Variants in ABHD6 observed in about 807,000 individuals in gnomAD.
The protein encoded by ABHD6 is abhydrolase domain containing 6, acylglycerol lipase, also known as monoacylglycerol lipase ABHD6.
In ABHD6, 33 loss-of-function variants were observed where a neutral mutation model predicts 38.8. The observed-to-expected ratio is 0.85, with a 90% confidence interval of 0.64 to 1.14. The LOEUF is 1.14. ABHD6 is among the 50% of genes most tolerant of loss of function. ABHD6 has a pLI of 0.00. For synonymous variants in ABHD6, 147 were observed against 161.6 expected (o/e 0.91, Z 0.69); for missense variants, 380 against 422.6 (o/e 0.90, Z 0.88).
At chr3:58,253,637 A>G (rs1473412643) in intron 2 of ABHD6, among the ~76,000 whole-genome samples, 1 of 152,214 alleles carries the variant, frequency 6.6e-6, no homozygotes, top group Non-Finnish European at 1.5e-5. Context: ...TTTGCTTTTC[A>G]TTGATTCATT....
At chr3:58,262,342 T>TA (rs975184486) in intron 3 of ABHD6, among the ~76,000 whole-genome samples, 2 of 152,178 alleles carry the variant, frequency 1.3e-5, no homozygotes, top group African/African-American at 4.8e-5. Context: ...TACCACAGTA[T>TA]AAAAAAATCT....
chr3:58,265,721 T>C lies in ABHD6; in HGVS notation c.120-1468T>C, dbSNP rs1307776279. Among the ~76,000 whole-genome samples the C allele has an allele frequency of 6.6e-6, 1 of 152,134 alleles. No homozygotes were observed. Among genetic ancestry groups the C allele is most frequent in the Non-Finnish European group, 1.5e-5 (1 of 68,018 alleles). On this transcript the variant is annotated intron_variant, in intron 3 of 9. Coordinates refer to ENST00000478253, the MANE Select transcript of ABHD6 (RefSeq NM_001320126.2). The surrounding 1 kb of genome is among the most constrained non-coding windows in gnomAD (Gnocchi z 4.2). ...TTTGTTTGGCTTATTGTTCTGGAGG[T>C]TGGGAAGCCCAAGAGAATGGCACCA... is the stretch of plus-strand genomic sequence containing the variant.
At position 58,267,240 on chromosome 3, in the gene ABHD6, C is replaced by G; in HGVS notation, c.171C>G (p.Asp57Glu). The G allele has an allele frequency of 6.2e-7, 1 of 1,614,202 alleles. No individual in the cohort carries two copies. Among genetic ancestry groups the G allele is most frequent in the Non-Finnish European group, 8.5e-7 (1 of 1,180,016 alleles). Residue 57 changes from aspartate (D) to glutamate (E), a missense_variant, in exon 4 of 10, where the codon GAC (aspartate) becomes GAG (glutamate). By Grantham distance (45) the Asp-to-Glu change is conservative (BLOSUM62 2). Transcript: ENST00000478253. This position sits in a 1 kb window ranked among gnomAD's most constrained non-coding sequence, Gnocchi z 4.3. ...GMQVRYVHHEDYQFCYSFRGR... is the reference protein window; with the variant it reads ...GMQVRYVHHEEYQFCYSFRGR... ...AAGTCCGCTATGTTCACCATGAAGA[C>G]TATCAGTTCTGTTATTCCTTCCGGG...
At chr3:58,242,794 C>T (rs2097423718) in intron 1 of ABHD6, among the ~76,000 whole-genome samples, 2 of 152,314 alleles carry the variant, frequency 1.3e-5, no homozygotes, top group African/African-American at 4.8e-5. Flanking sequence ...CATATGTATA[C>T]ATGTGCCATG....
chr3:58,290,415 G>A (rs548821336), intron 9 of ABHD6, among the ~76,000 whole-genome samples: 3 of 123,730 alleles, frequency 2.4e-5, no homozygotes, highest in Non-Finnish European at 5.1e-5. Flanking sequence ...CAGTAGGGGC[G>A]GCTGGGCAGA....
intron 9 of ABHD6, among the ~76,000 whole-genome samples, chr3:58,286,276 C>G (rs1288835158): frequency 6.6e-6 from 1 of 152,142 alleles, no homozygotes; most frequent in Non-Finnish European, 1.5e-5. Context: ...GCCTCAGCCT[C>G]CCAAAGTGTT....
intron 1 of ABHD6, among the ~76,000 whole-genome samples, chr3:58,240,855 A>G (rs999118178): frequency 1.3e-5 from 2 of 150,542 alleles, no homozygotes; most frequent in Non-Finnish European, 2.9e-5. Context: ...CTCAGCCTCC[A>G]GAGTAGCTGG....
intron 7 of ABHD6, among the ~76,000 whole-genome samples, chr3:58,275,448 G>A (rs2107461266): frequency 6.6e-6 from 1 of 151,052 alleles, no homozygotes; most frequent in African/African-American, 2.4e-5. Context: ...TTCTGCCTCA[G>A]CCTCCTGAGT....
At chr3:58,264,387 GCACACACACACACACACACACACACA>G (rs61099164) in intron 3 of ABHD6, among the ~76,000 whole-genome samples, 3,667 of 132,320 alleles carry the variant, frequency 0.028, 202 homozygotes, top group African/African-American at 0.098. Context: ...TTATATAAAC[GCACACACACACACACACACACACACA>G]CACACACACA....
chr3:58,286,886 G>GTGTATATATATATA (rs2097457847), intron 9 of ABHD6, among the ~76,000 whole-genome samples: 1 of 50,394 alleles, frequency 2.0e-5, no homozygotes, highest in African/African-American at 7.5e-5. Context: ...GTATATATAA[G>GTGTATATATATATA]TAGGTATCTT....
intron 7 of ABHD6, among the ~76,000 whole-genome samples, chr3:58,278,401 G>A (rs1397865888): frequency 6.6e-6 from 1 of 152,178 alleles, no homozygotes; most frequent in Non-Finnish European, 1.5e-5. Flanking sequence ...GGTGTTTATA[G>A]TATTCTCTGA....
Position 58,259,428 on chromosome 3 carries a change from C to T in ABHD6, c.119+2723C>T, listed in dbSNP as rs35010655. On this transcript the variant is annotated intron_variant, in intron 3 of 9. Transcript: ENST00000478253. This position sits in a 1 kb window ranked among gnomAD's most constrained non-coding sequence, Gnocchi z 4.7. ...GGCACGATGGCTCACACCTGTAATCCCAGCACTTTGGGAGGCTAAGGCAGG... is the reference window on the plus strand; with the variant it reads ...GGCACGATGGCTCACACCTGTAATCTCAGCACTTTGGGAGGCTAAGGCAGG... Among the ~76,000 whole-genome samples the T allele has an allele frequency of 0.15, 22,862 of 152,160 alleles. 2,159 individuals are homozygous for T. Among genetic ancestry groups the T allele is most frequent in the Non-Finnish European group, 0.22 (14,687 of 67,988 alleles).
intron 1 of ABHD6, among the ~76,000 whole-genome samples, chr3:58,247,139 A>T (rs1234914932): frequency 6.6e-6 from 1 of 150,960 alleles, no homozygotes; most frequent in Non-Finnish European, 1.5e-5. Context: ...TCTAGCTAGG[A>T]CTACAGGCAT....
chr3:58,270,504 A>C (rs2097444077), intron 5 of ABHD6, among the ~76,000 whole-genome samples: 1 of 98,814 alleles, frequency 1.0e-5, no homozygotes, highest in Admixed American at 9.2e-5. Flanking sequence ...TCATCTCTAC[A>C]AAAAAAAAAA....
rs955489598 is a variant in ABHD6 at position 58,256,406 on chromosome 3, G to A, written c.-25-156G>A. On this transcript the variant is annotated intron_variant, in intron 2 of 9. Transcript: ENST00000478253. The surrounding 1 kb of genome is among the most constrained non-coding windows in gnomAD (Gnocchi z 4.3). The stretch of plus-strand genomic sequence containing the variant: ...GTTCCTCATTACTTTTAGTTGTCAT[G>A]TCTATTTGGTTTTTTGTAAAGCACT... Among the ~76,000 whole-genome samples, 6 of 151,932 alleles carry A rather than the reference G, an allele frequency of 3.9e-5. No individual in the cohort carries two copies. Among genetic ancestry groups the A allele is most frequent in the African/African-American group, 1.2e-4 (5 of 41,340 alleles).
chr3:58,290,705 C>T lies in ABHD6; in HGVS notation c.838-2884C>T, dbSNP rs542688077. The stretch of plus-strand genomic sequence containing the variant: ...ACGCTTCTCACCTCCCAGACGGGGT[C>T]GCGGCCGGGCAGAGGCGCTCCTCAC... On this transcript the variant is annotated intron_variant, in intron 9 of 9. Transcript: ENST00000478253. Among the ~76,000 whole-genome samples the T allele has an allele frequency of 1.8e-3, 233 of 130,504 alleles. 1 individual carries two copies. Among genetic ancestry groups the T allele is most frequent in the Non-Finnish European group, 2.3e-3 (138 of 60,670 alleles). The allele number at this position is 130,504 out of a possible 152,430, so 85.6% of individuals were successfully genotyped here. A position where few individuals can be genotyped will look rare whatever the true frequency, so the allele number is the denominator to read the frequency against.
rs74955367 is a variant in ABHD6, at chr3:58,288,441, A to G, written c.837+2988A>G. 2.1e-3 allele frequency among the ~76,000 whole-genome samples: 318 copies of G among 152,322 alleles called. 2 individuals carry two copies. The highest frequency in any genetic ancestry group is 7.4e-3 in the African/African-American group (309 of 41,574). ...GCTTCATTTCAAGCATCGCTCCTCT[A>G]TGTTCAGTCCATCAAAATGGGAGGG... On this transcript the variant is annotated intron_variant, in intron 9 of 9. Transcript: ENST00000478253.
intron 2 of ABHD6, among the ~76,000 whole-genome samples, chr3:58,254,587 T>G (rs1331402534): frequency 6.6e-6 from 1 of 152,138 alleles, no homozygotes; most frequent in Non-Finnish European, 1.5e-5. Flanking sequence ...GAGAGATCAC[T>G]CCATTTCCCA....
intron 3 of ABHD6, among the ~76,000 whole-genome samples, chr3:58,262,359 A>G (rs1276039547): frequency 6.6e-6 from 1 of 152,216 alleles, no homozygotes; most frequent in African/African-American, 2.4e-5. Flanking sequence ...ATCTGTAAGT[A>G]CTTTTCTTCA....
Sources: allele counts gnomAD v4.1 joint callset (sites outside exome capture counted in the v4.1 genomes callset), GRCh38; gene constraint gnomAD v4.1.1; non-coding constraint Gnocchi (gnomAD v3.1); transcripts MANE v1.5; gene names NCBI Gene and HGNC (gene_info 2026-07-23, HGNC 2026-07-21).